CRIM1: variants seen among roughly 807,000 people sequenced by gnomAD.
CRIM1 encodes the protein cysteine rich transmembrane BMP regulator 1.
A neutral mutation model predicts 116.4 loss-of-function variants in CRIM1; 32 were observed. That is an observed-to-expected ratio of 0.27 (90% CI 0.21 to 0.37). The LOEUF is 0.37. Ranked by LOEUF, CRIM1 falls within the 10% of genes least tolerant of loss-of-function variation. The probability of loss-of-function intolerance (pLI) is 1.00; values close to 1 mark genes in which losing one functional copy is unlikely to be tolerated. For synonymous variants in CRIM1, 590 were observed against 509.2 expected (o/e 1.16, Z -2.13); for missense variants, 1,331 against 1,354.8 (o/e 0.98, Z 0.28).
chr2:36,372,418 TC>T (rs1307379416), intron 1 of CRIM1, among the ~76,000 whole-genome samples: 2 of 152,296 alleles, frequency 1.3e-5, no homozygotes, highest in African/African-American at 4.8e-5. Context: ...TGTTTGTTTT[TC>T]TAAAGGTTTT....
At chr2:36,413,361 G>C (rs1265603694) in intron 2 of CRIM1, among the ~76,000 whole-genome samples, 1 of 152,136 alleles carries the variant, frequency 6.6e-6, no homozygotes, top group Non-Finnish European at 1.5e-5. Context: ...TCAAATTCTA[G>C]CATCTGGGTT....
In CRIM1 at chr2:36,441,330, T is replaced by C; in HGVS notation, c.578T>C (p.Leu193Pro). 1 of 1,614,226 alleles carries C rather than the reference T, an allele frequency of 6.2e-7. No homozygotes were observed. The highest frequency in any genetic ancestry group is 1.7e-5 in the Admixed American group (1 of 60,030). Residue 193 changes from leucine (L) to proline (P), a missense_variant, in exon 3 of 17, where the codon CTG becomes CCG. Physicochemically the swap from Leu to Pro is moderately conservative, Grantham distance 98. Coordinates refer to ENST00000280527, the MANE Select transcript of CRIM1 (RefSeq NM_016441.3). ...CCACGTTGTCCTGAAGATTCTGTTCTGATCGAGGGTTATGCTCCTCCTGGG... is the reference window on the plus strand; with the variant it reads ...CCACGTTGTCCTGAAGATTCTGTTCCGATCGAGGGTTATGCTCCTCCTGGG... ...FSPRCPEDSV[L>P]IEGYAPPGEC...
chr2:36,485,883 C>T (rs889426634), intron 7 of CRIM1, among the ~76,000 whole-genome samples: 17 of 152,158 alleles, frequency 1.1e-4, no homozygotes, highest in Admixed American at 2.0e-4. Flanking sequence ...TATCCTTTAA[C>T]TCTAAACGTC....
At chr2:36,530,423 G>T (rs1001856108) in intron 13 of CRIM1, among the ~76,000 whole-genome samples, 1 of 152,092 alleles carries the variant, frequency 6.6e-6, no homozygotes. Flanking sequence ...TCTCAAACAG[G>T]AGGTGCTCAC....
At chr2:36,365,986 A>G (rs1669573764) in intron 1 of CRIM1, among the ~76,000 whole-genome samples, 1 of 152,200 alleles carries the variant, frequency 6.6e-6, no homozygotes, top group Non-Finnish European at 1.5e-5. Flanking sequence ...TTGGCCTCCC[A>G]AAGTGCTGGG....
chr2:36,426,678 C>T (rs757452902), intron 2 of CRIM1, among the ~76,000 whole-genome samples: 1 of 152,166 alleles, frequency 6.6e-6, no homozygotes, highest in African/African-American at 2.4e-5. Context: ...CACATTGAGC[C>T]AGTCCATCAA....
In CRIM1 at chr2:36,534,752, A is replaced by G. The variant is rs189868059; in HGVS notation, c.2429-2600A>G. On this transcript the variant is annotated intron_variant, in intron 13 of 16. Coordinates refer to ENST00000280527, the MANE Select transcript of CRIM1 (RefSeq NM_016441.3). Reference sequence around the variant, plus strand: ...AAGATGGAAGGAAGGAAGGAAAGAAAAAAAAAAGAATATAGACAGTATAGA... The same window carrying G: ...AAGATGGAAGGAAGGAAGGAAAGAAGAAAAAAAGAATATAGACAGTATAGA... Among the ~76,000 whole-genome samples, 841 of 151,166 alleles carry G rather than the reference A, an allele frequency of 5.6e-3. 15 individuals carry two copies. The highest frequency in any genetic ancestry group is 0.02 in the African/African-American group (817 of 40,674).
chr2:36,477,048 G>A lies in CRIM1; in HGVS notation c.1151G>A (p.Gly384Glu). 1 of 1,613,778 alleles carries A rather than the reference G, an allele frequency of 6.2e-7. No individual in the cohort carries two copies. The change falls in exon 6 of 17, where the codon GGA becomes GAA. Residue 384 changes from glycine to glutamate, a missense_variant. This residue lies in a region of CRIM1 where 690 missense variants were observed against 676.0 expected (regional missense o/e 1.02). Coordinates refer to ENST00000280527, the MANE Select transcript of CRIM1 (RefSeq NM_016441.3). ...TGCGAGAGGTACTACGTGCCCGAAG[G>A]AGAGTGCTGCCCAGTGTGTGAAGGT... ...INCERYYVPE[G>E]ECCPVCEDPV...
chr2:36,441,046 G>C (rs1440071234), intron 2 of CRIM1, among the ~76,000 whole-genome samples: 1 of 152,224 alleles, frequency 6.6e-6, no homozygotes, highest in Non-Finnish European at 1.5e-5. Flanking sequence ...AGACGGAGAA[G>C]AAGGGAATTT....
At chr2:36,433,081 G>C (rs1314655431) in intron 2 of CRIM1, among the ~76,000 whole-genome samples, 1 of 152,192 alleles carries the variant, frequency 6.6e-6, no homozygotes, top group African/African-American at 2.4e-5. Flanking sequence ...CTCCTTAGGA[G>C]ATGCCGATGC....
chr2:36,534,293 GAGAA>G lies in CRIM1; in HGVS notation c.2429-3056_2429-3053del, dbSNP rs552058108. On this transcript the variant is annotated intron_variant, in intron 13 of 16. Coordinates refer to ENST00000280527, the MANE Select transcript of CRIM1 (RefSeq NM_016441.3). Reference sequence around the variant, plus strand: ...GATGGAGGGGACAGGAAGGAGGGATGAGAAAGGAAGGAGGGAGGGGGAAGGAAAG... The same window carrying G: ...GATGGAGGGGACAGGAAGGAGGGATGAGGAAGGAGGGAGGGGGAAGGAAAG... 3.2e-3 allele frequency among the ~76,000 whole-genome samples: 368 copies of G among 115,344 alleles called. 5 individuals carry two copies. Among genetic ancestry groups the G allele is most frequent in the African/African-American group, 0.012 (354 of 29,482 alleles). The allele number at this position is 115,344 out of a possible 152,430, so 75.7% of individuals were successfully genotyped here. A position where few individuals can be genotyped will look rare whatever the true frequency, so the allele number is the denominator to read the frequency against.
At chr2:36,374,487 G>C (rs577788943) in intron 1 of CRIM1, among the ~76,000 whole-genome samples, 46 of 152,234 alleles carry the variant, frequency 3.0e-4, no homozygotes, top group African/African-American at 1.1e-3. Context: ...TTACTCTGTA[G>C]ACATCCTTCC....
intron 7 of CRIM1, among the ~76,000 whole-genome samples, chr2:36,492,985 A>G (rs1345841910): frequency 6.6e-6 from 1 of 152,228 alleles, no homozygotes; most frequent in African/African-American, 2.4e-5. Flanking sequence ...AAGAAGAGCT[A>G]TGTAAAATCT....
chr2:36,507,150 C>T (rs749735410), intron 8 of CRIM1, among the ~76,000 whole-genome samples: 5 of 152,100 alleles, frequency 3.3e-5, no homozygotes, highest in Non-Finnish European at 5.9e-5. Context: ...TCCAGCCAGC[C>T]GCAGTCAGTC....
intron 1 of CRIM1, among the ~76,000 whole-genome samples, chr2:36,358,661 G>A (rs1461965426): frequency 2.0e-5 from 3 of 152,058 alleles, no homozygotes; most frequent in Non-Finnish European, 4.4e-5. Flanking sequence ...TGAAATGCTT[G>A]GAAGGGTTTG....
chr2:36,487,705 A>T (rs992064632), intron 7 of CRIM1, among the ~76,000 whole-genome samples: 2 of 152,208 alleles, frequency 1.3e-5, no homozygotes, highest in Admixed American at 6.5e-5. Context: ...CAGAATTTTA[A>T]CATGAACAGC....
rs753017851 is a variant in CRIM1 at position 36,513,589 on chromosome 2, C to T, written c.1814C>T (p.Ser605Leu). 1.4e-5 allele frequency: 23 copies of T among 1,614,104 alleles called. No individual in the cohort carries two copies. The highest frequency in any genetic ancestry group is 5.5e-5 in the South Asian group (5 of 91,058). The change falls in exon 11 of 17, where the codon TCG becomes TTG. Residue 605 changes from serine to leucine, a missense_variant. By Grantham distance (145) the Ser-to-Leu change is moderately radical. Around this residue, in one of 3 missense-constraint regions of CRIM1, gnomAD observed 358 missense variants for 436.1 expected, o/e 0.82. Transcript: ENST00000280527. ...ASASAGPPIL[S>L]GTCLTVDGHH... ...GCTTCAGCTGGGCCACCCATCCTGT[C>T]GGGCACTTGTCTCACCGTGGATGGT... is the stretch of plus-strand genomic sequence containing the variant.
chr2:36,503,647 T>C (rs1681169204), intron 8 of CRIM1, among the ~76,000 whole-genome samples: 2 of 150,524 alleles, frequency 1.3e-5, no homozygotes, highest in African/African-American at 4.9e-5. Context: ...AACCCTCAAA[T>C]ATTATCTTTC....
intron 1 of CRIM1, among the ~76,000 whole-genome samples, chr2:36,391,811 AAT>A (rs796794216): frequency 4.0e-5 from 6 of 150,074 alleles, no homozygotes; most frequent in South Asian, 4.3e-4. Flanking sequence ...AAAAAAAAAA[AAT>A]GGTACATAAA....
Sources: gnomAD v4.1 joint callset for allele counts (sites outside exome capture counted in the v4.1 genomes callset) on GRCh38, gnomAD v4.1.1 for gene constraint, gnomAD v4.1.1 regional missense constraint, MANE v1.5 for transcripts, NCBI Gene and HGNC (gene_info 2026-07-23, HGNC 2026-07-21) for gene names.